The following FHIT variants were observed in gnomAD, a reference collection of about 807,000 sequenced individuals.
The protein encoded by FHIT is fragile histidine triad diadenosine triphosphatase, also known as bis(5'-adenosyl)-triphosphatase.
In FHIT, 19 loss-of-function variants were observed where a neutral mutation model predicts 17.9. That is an observed-to-expected ratio of 1.06 (90% CI 0.74 to 1.56). The LOEUF is 1.56. Ranked by LOEUF, FHIT falls within the 40% of genes most tolerant of loss-of-function variation. The probability of loss-of-function intolerance (pLI) is 0.00; values close to 1 mark genes in which losing one functional copy is unlikely to be tolerated. For missense variants in FHIT, 248 were observed against 189.2 expected (o/e 1.31, Z -1.82); for synonymous variants, 81 against 69.7 (o/e 1.16, Z -0.81).
At chr3:60,238,369 CTATCT>C (rs1465645094) in intron 5 of FHIT, among the ~76,000 whole-genome samples, 1 of 141,978 alleles carries the variant, frequency 7.0e-6, no homozygotes, top group African/African-American at 2.6e-5. Flanking sequence ...TAAAACTATC[CTATCT>C]AAGAATGAAA....
chr3:60,799,449 C>T (rs1553731577), intron 4 of FHIT, among the ~76,000 whole-genome samples: 1 of 152,244 alleles, frequency 6.6e-6, no homozygotes, highest in East Asian at 1.9e-4. Context: ...GCTGGGATTA[C>T]AGGCATGAGC....
intron 5 of FHIT, among the ~76,000 whole-genome samples, chr3:60,450,360 T>G (rs1250363112): frequency 1.3e-5 from 2 of 152,052 alleles, no homozygotes; most frequent in Non-Finnish European, 2.9e-5. Context: ...TTATGGTACA[T>G]AAATATATAT....
chr3:60,159,649 T>C (rs190740648), intron 5 of FHIT, among the ~76,000 whole-genome samples: 3 of 152,340 alleles, frequency 2.0e-5, no homozygotes, highest in African/African-American at 7.2e-5. Flanking sequence ...ATTGCTTTTA[T>C]ACATCTATTA....
At chr3:60,179,205 A>C (rs1701815069) in intron 5 of FHIT, among the ~76,000 whole-genome samples, 1 of 152,164 alleles carries the variant, frequency 6.6e-6, no homozygotes, top group Non-Finnish European at 1.5e-5. Context: ...ATTCTCTAGT[A>C]GGTATCATTA....
chr3:61,220,590 T>G (rs760917451), intron 1 of FHIT, among the ~76,000 whole-genome samples: 3 of 152,194 alleles, frequency 2.0e-5, no homozygotes, highest in Non-Finnish European at 4.4e-5. Flanking sequence ...ATTGTTAAAA[T>G]GTAGGTGAAA....
chr3:60,069,189 C>T (rs1702651867), intron 5 of FHIT, among the ~76,000 whole-genome samples: 1 of 152,044 alleles, frequency 6.6e-6, no homozygotes, highest in Non-Finnish European at 1.5e-5. Context: ...AGTCATCTGA[C>T]AGTAATAACC....
rs370195823 is a variant in FHIT at position 60,472,369 on chromosome 3, ATT to A, written c.103+64489_103+64490del. ...TTTGCAAAGTATTGTACAATGCTGT[ATT>A]TTTTTTTTTTTTTTTGAGACGAAGT... On this transcript the variant is annotated intron_variant, in intron 5 of 9. Coordinates refer to ENST00000492590, the MANE Select transcript of FHIT (RefSeq NM_002012.4). Among the ~76,000 whole-genome samples, 32 of 134,510 alleles carry A rather than the reference ATT, an allele frequency of 2.4e-4. No individual in the cohort carries two copies. In the East Asian group the frequency reaches 2.8e-3, roughly 12 times the overall value. 88.2% of individuals were successfully genotyped at this position (134,510 alleles called of 152,430 possible).
intron 4 of FHIT, among the ~76,000 whole-genome samples, chr3:60,582,032 A>G (rs2037763563): frequency 6.6e-6 from 1 of 152,060 alleles, no homozygotes; most frequent in Non-Finnish European, 1.5e-5. Context: ...AAAAAACAAA[A>G]GTGTGCTTCA....
intron 4 of FHIT, among the ~76,000 whole-genome samples, chr3:60,632,273 T>A (rs1240436739): frequency 6.6e-6 from 1 of 151,936 alleles, no homozygotes; most frequent in Non-Finnish European, 1.5e-5. Flanking sequence ...CTGCCAGGAG[T>A]TCTACTCACT....
intron 7 of FHIT, among the ~76,000 whole-genome samples, chr3:59,972,517 G>A (rs1186444675): frequency 6.6e-6 from 1 of 152,038 alleles, no homozygotes; most frequent in Non-Finnish European, 1.5e-5. Context: ...AAACCTCTGA[G>A]GGTGCCTATT....
intron 8 of FHIT, among the ~76,000 whole-genome samples, chr3:59,805,799 A>T (rs114248368): frequency 2.0e-5 from 3 of 152,092 alleles, no homozygotes; most frequent in African/African-American, 4.8e-5. Flanking sequence ...TGAGGCTTCA[A>T]TGAGGGTTAA....
At chr3:61,077,105 T>C (rs2034994577) in intron 2 of FHIT, among the ~76,000 whole-genome samples, 1 of 152,046 alleles carries the variant, frequency 6.6e-6, no homozygotes, top group Admixed American at 6.6e-5. Flanking sequence ...TGAAACACAA[T>C]CTTGAACCAA....
chr3:60,299,664 G>C (rs1708366194), intron 5 of FHIT, among the ~76,000 whole-genome samples: 1 of 152,164 alleles, frequency 6.6e-6, no homozygotes, highest in South Asian at 2.1e-4. Flanking sequence ...TGTTGGTAGA[G>C]GTGAAAATCC....
chr3:60,683,382 C>G (rs1156587), intron 4 of FHIT, among the ~76,000 whole-genome samples: 360 of 152,264 alleles, frequency 2.4e-3, no homozygotes, highest in Non-Finnish European at 3.1e-3. Context: ...GCCACAGCCA[C>G]TTCTGCCCTC....
chr3:60,011,462 G>A, intron 6 of FHIT, 62 bp from the exon 7 acceptor site: 1 of 1,317,224 alleles, frequency 7.6e-7, no homozygotes. Context: ...TGCTTATTCA[G>A]AAATATCACC....
At chr3:60,447,192 T>G (rs535808444) in intron 5 of FHIT, among the ~76,000 whole-genome samples, 53 of 152,206 alleles carry the variant, frequency 3.5e-4, no homozygotes, top group African/African-American at 1.3e-3. Context: ...GTCTTGGCAG[T>G]TCTTTGTTAT....
chr3:60,226,400 A>G (rs1164319391), intron 5 of FHIT, among the ~76,000 whole-genome samples: 4 of 137,508 alleles, frequency 2.9e-5, no homozygotes, highest in Admixed American at 2.5e-4. Flanking sequence ...TGAACCCGGG[A>G]GGCGGAGGTT....
rs1281567026 is a variant in FHIT at position 60,019,415 on chromosome 3, C to CTTTTTTTTTTTTTTTTTTTTTTTT, written c.104-5264_104-5263insAAAAAAAAAAAAAAAAAAAAAAAA. 4.2e-3 allele frequency among the ~76,000 whole-genome samples: 508 copies of CTTTTTTTTTTTTTTTTTTTTTTTT among 120,980 alleles called. 13 individuals are homozygous for CTTTTTTTTTTTTTTTTTTTTTTTT. Among genetic ancestry groups the CTTTTTTTTTTTTTTTTTTTTTTTT allele is most frequent in the Non-Finnish European group, 6.2e-3 (367 of 58,768 alleles). 79.4% of individuals were successfully genotyped at this position (120,980 alleles called of 152,430 possible). ...ATGGCATTTTAGAGTTGAGATGCTCCTTTTTTTTTTTTTTTTTCCTGAGAT... is the reference window on the plus strand; with the variant it reads ...ATGGCATTTTAGAGTTGAGATGCTCCTTTTTTTTTTTTTTTTTTTTTTTTTTTTTTTTTTTTTTTTTCCTGAGAT... On this transcript the variant is annotated intron_variant, in intron 5 of 9. Coordinates refer to ENST00000492590, the MANE Select transcript of FHIT (RefSeq NM_002012.4).
intron 7 of FHIT, among the ~76,000 whole-genome samples, chr3:59,949,367 T>C (rs920824714): frequency 3.9e-5 from 6 of 152,210 alleles, no homozygotes; most frequent in Non-Finnish European, 8.8e-5. Flanking sequence ...CTATTTCTGA[T>C]TTGTCATCAC....
Sources: gnomAD v4.1 joint callset for allele counts (sites outside exome capture counted in the v4.1 genomes callset) on GRCh38, gnomAD v4.1.1 for gene constraint, MANE v1.5 for transcripts, NCBI Gene and HGNC (gene_info 2026-07-23, HGNC 2026-07-21) for gene names.